The following SEMA6D variants were observed in gnomAD, a reference collection of about 807,000 sequenced individuals.
The protein encoded by SEMA6D is semaphorin 6D.
SEMA6D carries 35 observed loss-of-function variants against 106.6 expected under a neutral mutation model. That is an observed-to-expected ratio of 0.33 (90% CI 0.25 to 0.44). The LOEUF (loss-of-function observed/expected upper bound fraction) is 0.44, where lower values mean the gene tolerates loss of function less well. Among genes scored for constraint, SEMA6D ranks in the 20% least tolerant of loss-of-function variants. SEMA6D has a pLI of 1.00. For synonymous variants in SEMA6D, 499 were observed against 487.7 expected, an observed-to-expected ratio of 1.02 and a Z score of -0.31; for missense variants, 1,185 against 1,345.9, an observed-to-expected ratio of 0.88 and a Z score of 1.87.
rs377412561 is a variant in SEMA6D at position 47,766,551 on chromosome 15, T to G, written c.1647-65T>G. On this transcript the variant is annotated intron_variant, in intron 15 of 18. Transcript: ENST00000536845. ...TCAGTCTGTGTTCTTGGTTCTGCTC[T>G]GGTTGTCACTTGTGTTCCTATGAAG... The G allele has an allele frequency of 2.0e-6, 3 of 1,482,104 alleles. No individual in the cohort carries two copies. In the African/African-American group the frequency reaches 4.2e-5, roughly 21 times the overall value. The allele number at this position is 1,482,104 out of a possible 1,614,324, so 91.8% of individuals were successfully genotyped here. A position where few individuals can be genotyped will look rare whatever the true frequency, so the allele number is the denominator to read the frequency against.
chr15:47,471,375 G>A (rs1197708951), intron 3 of SEMA6D, among the ~76,000 whole-genome samples: 1 of 151,998 alleles, frequency 6.6e-6, no homozygotes, highest in East Asian at 1.9e-4. Context: ...CCCAGAAATG[G>A]GTCTTTCTGA....
upstream of SEMA6D, among the ~76,000 whole-genome samples, chr15:47,714,891 A>G (rs1223153720): frequency 6.6e-6 from 1 of 152,214 alleles, no homozygotes; most frequent in African/African-American, 2.4e-5. Flanking sequence ...ATTAAATGCC[A>G]GGCACTGTGG....
At chr15:47,751,086 C>T (rs147883393) in intron 1 of SEMA6D, among the ~76,000 whole-genome samples, 1 of 152,188 alleles carries the variant, frequency 6.6e-6, no homozygotes, top group African/African-American at 2.4e-5. Flanking sequence ...GTCTTCTTAC[C>T]ACACATGGAA....
intron 3 of SEMA6D, among the ~76,000 whole-genome samples, chr15:47,588,806 A>G (rs1434366752): frequency 1.3e-5 from 2 of 152,170 alleles, no homozygotes; most frequent in Non-Finnish European, 1.5e-5. Flanking sequence ...TAATAAGCAA[A>G]GAGCCGAAGA....
At chr15:47,383,197 G>A (rs1028152926) in intron 1 of SEMA6D, among the ~76,000 whole-genome samples, 1 of 152,176 alleles carries the variant, frequency 6.6e-6, no homozygotes, top group Non-Finnish European at 1.5e-5. Context: ...TATTTCCAAG[G>A]ACATAGTAGA....
chr15:47,456,329 C>G (rs1488955530), intron 2 of SEMA6D, among the ~76,000 whole-genome samples: 1 of 151,926 alleles, frequency 6.6e-6, no homozygotes, highest in Non-Finnish European at 1.5e-5. Context: ...TTTCACTTAC[C>G]TCTAATTGAA....
chr15:47,445,758 A>G (rs560754436), intron 2 of SEMA6D, among the ~76,000 whole-genome samples: 2 of 8,758 alleles, frequency 2.3e-4, no homozygotes, highest in Non-Finnish European at 3.1e-4. Flanking sequence ...CTTAAAAAAC[A>G]TGGTATTTTA....
At chr15:47,337,947 C>A (rs1337268249) in intron 1 of SEMA6D, among the ~76,000 whole-genome samples, 1 of 152,210 alleles carries the variant, frequency 6.6e-6, no homozygotes, top group Admixed American at 6.5e-5. Flanking sequence ...CTCCTAAGGA[C>A]CTGATGGAGG....
chr15:47,480,026 T>A, intron 3 of SEMA6D, among the ~76,000 whole-genome samples: 1 of 144,926 alleles, frequency 6.9e-6, no homozygotes, highest in East Asian at 2.2e-4. Context: ...CCTGATTAAT[T>A]TTTTTTTTTT....
intron 4 of SEMA6D, among the ~76,000 whole-genome samples, chr15:47,637,726 A>T (rs996064928): frequency 1.3e-5 from 2 of 152,182 alleles, no homozygotes; most frequent in Non-Finnish European, 2.9e-5. Context: ...ATACAAGTAC[A>T]AGTAGTGGCC....
chr15:47,748,523 A>G (rs2081262563), intron 1 of SEMA6D, among the ~76,000 whole-genome samples: 1 of 152,218 alleles, frequency 6.6e-6, no homozygotes, highest in South Asian at 2.1e-4. Context: ...ATATCATAGT[A>G]TGACTAGCTG....
chr15:47,389,549 A>T (rs1464774258), intron 1 of SEMA6D, among the ~76,000 whole-genome samples: 1 of 152,222 alleles, frequency 6.6e-6, no homozygotes, highest in Non-Finnish European at 1.5e-5. Flanking sequence ...GAGGTTAACT[A>T]TTGAGGTTAC....
intron 4 of SEMA6D, among the ~76,000 whole-genome samples, chr15:47,633,918 A>G (rs1318327470): frequency 3.3e-5 from 5 of 152,126 alleles, no homozygotes; most frequent in Non-Finnish European, 5.9e-5. Context: ...TACTGAGCCA[A>G]TCCAGGAAGT....
rs575968930 is a variant in SEMA6D, at chr15:47,260,302, C to T, written c.-239+75884C>T. Among the ~76,000 whole-genome samples the T allele has an allele frequency of 5.9e-5, 9 of 152,210 alleles. No individual in the cohort carries two copies. In the South Asian group the frequency reaches 1.7e-3, roughly 28 times the overall value. ...ACATTTTGTCTATTATGTTAGAAAG[C>T]TCTGCATCTTATTTAAATTTTTATT... On this transcript the variant is annotated intron_variant, in intron 1 of 19. Transcript: ENST00000558014.
At chr15:47,635,699 C>T (rs888508785) in intron 4 of SEMA6D, among the ~76,000 whole-genome samples, 2 of 152,046 alleles carry the variant, frequency 1.3e-5, no homozygotes, top group Admixed American at 6.6e-5. Context: ...TTGTTGAACA[C>T]ACAGTTGGTA....
chr15:47,500,248 T>G (rs1233519913), intron 3 of SEMA6D, among the ~76,000 whole-genome samples: 7 of 152,172 alleles, frequency 4.6e-5, no homozygotes, highest in Non-Finnish European at 8.8e-5. Flanking sequence ...TGGTGCACTT[T>G]CATTCTTTCT....
At chr15:47,646,277 C>T (rs754893769) in intron 4 of SEMA6D, among the ~76,000 whole-genome samples, 5 of 152,134 alleles carry the variant, frequency 3.3e-5, no homozygotes, top group African/African-American at 7.2e-5. Flanking sequence ...CTGATTTCAA[C>T]GGTTTTAGAA....
chr15:47,643,125 CTA>C (rs962668342), intron 4 of SEMA6D, among the ~76,000 whole-genome samples: 1 of 152,182 alleles, frequency 6.6e-6, no homozygotes, highest in Non-Finnish European at 1.5e-5. Context: ...TAAGTTTCTA[CTA>C]TGTCTTATAT....
chr15:47,670,778 A>G (rs938154089), intron 4 of SEMA6D, among the ~76,000 whole-genome samples: 4 of 152,132 alleles, frequency 2.6e-5, no homozygotes, highest in African/African-American at 9.7e-5. Context: ...GTCCAGTGGG[A>G]ATTTTACTAG....
Sources: gnomAD v4.1 joint callset for allele counts (sites outside exome capture counted in the v4.1 genomes callset) on GRCh38, gnomAD v4.1.1 for gene constraint, MANE v1.5 for transcripts, NCBI Gene and HGNC (gene_info 2026-07-23, HGNC 2026-07-21) for gene names.